ANXA11: variants seen among roughly 807,000 people sequenced by gnomAD.
ANXA11 encodes the protein 56 kDa autoantigen.
Under a neutral mutation model 64.7 loss-of-function variants are expected in ANXA11, and 57 were observed. That is an observed-to-expected ratio of 0.88 (90% CI 0.71 to 1.10). The LOEUF (loss-of-function observed/expected upper bound fraction) is 1.10. ANXA11 is among the 50% of genes least tolerant of loss of function. ANXA11 has a pLI of 0.00. For missense variants in ANXA11, 675 were observed against 670.7 expected, an observed-to-expected ratio of 1.01 and a Z score of -0.07; for synonymous variants, 260 against 265.2, an observed-to-expected ratio of 0.98 and a Z score of 0.19.
Position 80,167,285 on chromosome 10 carries a change from G to T in ANXA11, c.590C>A (p.Ala197Asp), listed in dbSNP as rs757694153. Residue 197 changes from alanine to aspartate, a missense_variant, in exon 6 of 16, where the codon GCT (alanine) becomes GAT (aspartate). Ala to Asp is a moderately radical substitution (Grantham distance 126). Coordinates refer to ENST00000422982, the MANE Select transcript of ANXA11 (RefSeq NM_145868.2). ...ATCTCGCAGGGGGTCAAAGCCGGGA[G>T]CATCAGTGATGGTGCCTCGGCTTCC... ...QFGSRGTITDAPGFDPLRDAE... is the reference protein window; with the variant it reads ...QFGSRGTITDDPGFDPLRDAE... 6.8e-6 allele frequency: 11 copies of T among 1,614,174 alleles called. No individual in the cohort carries two copies. Among genetic ancestry groups the T allele is most frequent in the Non-Finnish European group, 9.3e-6 (11 of 1,180,014 alleles).
At chr10:80,205,275 C>T (rs1184136050) in intron 1 of ANXA11, 68 bp downstream of exon 1, 1 of 151,806 alleles carries the variant, frequency 6.6e-6, no homozygotes, top group Non-Finnish European at 1.5e-5. Context: ...CGGGCCTCAC[C>T]CGCGGCGCCG....
intron 12 of ANXA11, 129 bp downstream of exon 12, chr10:80,161,806 G>T: frequency 1.4e-6 from 1 of 723,956 alleles, no homozygotes; most frequent in South Asian, 1.7e-5. Flanking sequence ...TTCCCACCAG[G>T]GGGCTCTTTT....
intron 3 of ANXA11, among the ~76,000 whole-genome samples, chr10:80,172,354 A>G (rs979351721): frequency 1.3e-5 from 2 of 152,090 alleles, no homozygotes; most frequent in African/African-American, 4.8e-5. Flanking sequence ...ACACACCTTG[A>G]GCAGAGGGTA....
intron 3 of ANXA11, 170 bp from the exon 4 acceptor site, chr10:80,171,085 A>C (rs898967764): frequency 5.9e-6 from 9 of 1,515,600 alleles, no homozygotes; most frequent in Non-Finnish European, 7.9e-6. Context: ...GTCTCCCCCT[A>C]TCCCACTGGC....
intron 1 of ANXA11, among the ~76,000 whole-genome samples, chr10:80,200,171 T>C (rs1475827017): frequency 2.0e-5 from 3 of 152,130 alleles, no homozygotes; most frequent in Admixed American, 2.0e-4. Context: ...ATGGGAACCA[T>C]TAGGACAGCC....
At position 80,166,882 on chromosome 10, in the gene ANXA11, C is replaced by T. The variant is rs761487486; in HGVS notation, c.744+8G>A. On this transcript the variant is annotated splice_region_variant and intron_variant, in intron 7 of 15. Transcript: ENST00000422982. ...CTCACTGTCCCGCGCCCCCACCCCG[C>T]AGCTCGCCTTGCCGTAAGCCGTCTT... 5 of 1,598,920 alleles carry T rather than the reference C, an allele frequency of 3.1e-6. No homozygotes were observed. In the African/African-American group the frequency reaches 4.0e-5, roughly 13 times the overall value.
chr10:80,193,661 T>C (rs1264707884), intron 1 of ANXA11, among the ~76,000 whole-genome samples: 3 of 151,624 alleles, frequency 2.0e-5, no homozygotes, highest in African/African-American at 4.8e-5. Flanking sequence ...CTGGCAAACA[T>C]GTCAAAACCC....
chr10:80,199,827 G>GGA (rs1840340596), intron 1 of ANXA11, among the ~76,000 whole-genome samples: 1 of 152,184 alleles, frequency 6.6e-6, no homozygotes, highest in Admixed American at 6.5e-5. Context: ...CTACTCACTA[G>GGA]GATCTCAGGG....
intron 1 of ANXA11, among the ~76,000 whole-genome samples, chr10:80,183,214 C>T (rs1846419201): frequency 6.6e-6 from 1 of 152,150 alleles, no homozygotes; most frequent in South Asian, 2.1e-4. Flanking sequence ...GGCCTGGAGC[C>T]CAGAACTCAA....
chr10:80,168,742 G>T (rs955772910), intron 5 of ANXA11, among the ~76,000 whole-genome samples: 1 of 151,898 alleles, frequency 6.6e-6, no homozygotes, highest in African/African-American at 2.4e-5. Flanking sequence ...TCACCATTTC[G>T]CCCAGGTTGG....
rs1351252333 is a variant in ANXA11 at position 80,154,086 on chromosome 10, A to G, written c.*1767T>C. The G allele has an allele frequency of 6.9e-6, 1 of 144,990 alleles. No individual in the cohort carries two copies. The highest frequency in any genetic ancestry group is 2.6e-5 in the African/African-American group (1 of 38,602). The allele number at this position is 144,990 out of a possible 1,614,324, so 9.0% of individuals were successfully genotyped here. Reference sequence around the variant, plus strand: ...CAGAGTAGCCGACTATAGGGAATGCACTACAATGCCAGGTAAATTTTTTTT... The same window carrying G: ...CAGAGTAGCCGACTATAGGGAATGCGCTACAATGCCAGGTAAATTTTTTTT... On this transcript the variant is annotated 3_prime_UTR_variant, in exon 16 of 16. Transcript: ENST00000422982.
chr10:80,187,635 CA>C (rs1324675741), intron 1 of ANXA11, among the ~76,000 whole-genome samples: 1 of 151,508 alleles, frequency 6.6e-6, no homozygotes, highest in African/African-American at 2.4e-5. Context: ...GTGCAGGTGG[CA>C]GGGGCGGGGA....
Position 80,205,496 on chromosome 10 carries a change from A to G in ANXA11, c.-211T>C, listed in dbSNP as rs1840637539. ...CCGCGGGGCACTCGGGGCACTGGGG[A>G]GCCGCGGGCGCAGCAGCCGTCAGCG... On this transcript the variant is annotated 5_prime_UTR_variant, in exon 1 of 16. Coordinates refer to ENST00000422982, the MANE Select transcript of ANXA11 (RefSeq NM_145868.2). 1 of 151,580 alleles carries G rather than the reference A, an allele frequency of 6.6e-6. No homozygotes were observed. The highest frequency in any genetic ancestry group is 2.4e-5 in the African/African-American group (1 of 41,206). The allele number at this position is 151,580 out of a possible 1,614,324, so 9.4% of individuals were successfully genotyped here.
intron 12 of ANXA11, among the ~76,000 whole-genome samples, chr10:80,161,003 C>T (rs1424798696): frequency 6.6e-6 from 1 of 152,174 alleles, no homozygotes; most frequent in Non-Finnish European, 1.5e-5. Context: ...CATTCCTCCC[C>T]GGGTCCCTGC....
At chr10:80,166,234 A>T (rs1328088988) in intron 7 of ANXA11, 37 bp from the exon 8 acceptor site, 1 of 1,296,336 alleles carries the variant, frequency 7.7e-7, no homozygotes, top group Admixed American at 1.9e-5. Flanking sequence ...AACAAAAAAA[A>T]AAACAAGTCT....
At chr10:80,169,393 G>T in intron 4 of ANXA11, 35 bp from the exon 5 acceptor site, 1 of 1,598,404 alleles carries the variant, frequency 6.3e-7, no homozygotes, top group Non-Finnish European at 8.5e-7. Context: ...GAGGCCAATG[G>T]GCCCTGCTGC....
At chr10:80,166,012 A>ACACGCATGCGCGCGCGCGTGCG (rs1845704373) in intron 8 of ANXA11, 72 bp downstream of exon 8, 3 of 932,342 alleles carry the variant, frequency 3.2e-6, no homozygotes, top group Non-Finnish European at 5.0e-6. Flanking sequence ...CTGTGTGTCC[A>ACACGCATGCGCGCGCGCGTGCG]CACGCATGCG....
rs1191003222 is a variant in ANXA11, at chr10:80,153,595, A to C, written c.*2258T>G. 1.3e-5 allele frequency: 2 copies of C among 152,286 alleles called. No homozygotes were observed. The highest frequency in any genetic ancestry group is 2.9e-5 in the Non-Finnish European group (2 of 68,082). 9.4% of individuals were successfully genotyped at this position (152,286 alleles called of 1,614,324 possible). The stretch of plus-strand genomic sequence containing the variant: ...AGTTCATGGCAAGTTGTATATGCCA[A>C]GCACCCCATCCCATCAGGCAGGTCC... On this transcript the variant is annotated 3_prime_UTR_variant, in exon 16 of 16. Coordinates refer to ENST00000422982, the MANE Select transcript of ANXA11 (RefSeq NM_145868.2).
intron 9 of ANXA11, among the ~76,000 whole-genome samples, 176 bp downstream of exon 9, chr10:80,163,877 A>G (rs1411833723): frequency 4.6e-5 from 7 of 152,150 alleles, no homozygotes; most frequent in Non-Finnish European, 8.8e-5. Flanking sequence ...ACCATGTATA[A>G]ACAGAAGGAA....
Sources: gnomAD v4.1 joint callset for allele counts (sites outside exome capture counted in the v4.1 genomes callset) on GRCh38, gnomAD v4.1.1 for gene constraint, MANE v1.5 for transcripts, NCBI Gene and HGNC (gene_info 2026-07-23, HGNC 2026-07-21) for gene names.